The following MYRIP variants were observed in gnomAD, a reference collection of about 807,000 sequenced individuals.
MYRIP encodes rab effector MyRIP.
In MYRIP, 49 loss-of-function variants were observed where a neutral mutation model predicts 98.0. The ratio of observed to expected loss-of-function variants is 0.50; its 90% confidence interval spans 0.40 to 0.63. MYRIP has a LOEUF of 0.63. Among genes scored for constraint, MYRIP ranks in the 30% least tolerant of loss-of-function variants. MYRIP has a pLI of 0.00. For synonymous variants in MYRIP, 404 were observed against 409.5 expected, an observed-to-expected ratio of 0.99 and a Z score of 0.16; for missense variants, 1,004 against 1,058.2, an observed-to-expected ratio of 0.95 and a Z score of 0.71.
chr3:40,101,864 C>T (rs1439965080), intron 3 of MYRIP, among the ~76,000 whole-genome samples: 2 of 152,164 alleles, frequency 1.3e-5, no homozygotes, highest in African/African-American at 4.8e-5. Context: ...TGACCCAGGA[C>T]TGGCAGTTTA....
intron 8 of MYRIP, among the ~76,000 whole-genome samples, chr3:40,180,871 C>A (rs890863144): frequency 6.6e-6 from 1 of 152,156 alleles, no homozygotes; most frequent in Non-Finnish European, 1.5e-5. Flanking sequence ...CAGAGTGAAC[C>A]AGACGCCCTG....
rs568569166 is a variant in MYRIP, at chr3:39,843,432, T to C, written c.-31+33516T>C. The stretch of plus-strand genomic sequence containing the variant: ...TTATTGCATTTGGGCCTTGGATTGC[T>C]GAAGAAACCACAGCACAAAAAAGGA... On this transcript the variant is annotated intron_variant, in intron 1 of 16. Transcript: ENST00000302541. Among the ~76,000 whole-genome samples, 32 of 152,324 alleles carry C rather than the reference T, an allele frequency of 2.1e-4. 1 individual carries two copies. The highest frequency in any genetic ancestry group is 7.3e-5 in the Non-Finnish European group (5 of 68,034).
chr3:40,110,881 G>GGTGT (rs58040369), intron 3 of MYRIP, among the ~76,000 whole-genome samples: 102 of 147,804 alleles, frequency 6.9e-4, no homozygotes, highest in African/African-American at 2.2e-3. Context: ...TTCATGAAGG[G>GGTGT]GTGTGTGTGT....
intron 2 of MYRIP, among the ~76,000 whole-genome samples, chr3:40,040,745 C>T (rs1227875253): frequency 5.2e-5 from 3 of 57,924 alleles, no homozygotes; most frequent in African/African-American, 1.6e-4. Flanking sequence ...AACCAAACAC[C>T]GCATATTCTC....
At chr3:39,879,711 A>G (rs2125643017) in intron 1 of MYRIP, among the ~76,000 whole-genome samples, 1 of 152,182 alleles carries the variant, frequency 6.6e-6, no homozygotes, top group East Asian at 1.9e-4. Flanking sequence ...CTTCAACTCC[A>G]CACTCTTCTT....
intron 1 of MYRIP, among the ~76,000 whole-genome samples, chr3:39,828,417 T>C (rs1177095825): frequency 6.6e-6 from 1 of 151,982 alleles, no homozygotes; most frequent in Non-Finnish European, 1.5e-5. Context: ...TTGTCTTGTA[T>C]ATTACTGAGT....
At chr3:39,994,375 C>G (rs1355314818) in intron 2 of MYRIP, among the ~76,000 whole-genome samples, 1 of 152,250 alleles carries the variant, frequency 6.6e-6, no homozygotes, top group Admixed American at 6.5e-5. Context: ...TAGCAAATGG[C>G]ACACCTGGAG....
chr3:39,906,377 A>G (rs1370985085), intron 2 of MYRIP, among the ~76,000 whole-genome samples: 1 of 152,156 alleles, frequency 6.6e-6, no homozygotes, highest in African/African-American at 2.4e-5. Context: ...CTGAGAACAT[A>G]TCTTTTCATG....
chr3:40,215,245 C>G (rs1952080450), intron 11 of MYRIP, among the ~76,000 whole-genome samples: 1 of 152,070 alleles, frequency 6.6e-6, no homozygotes, highest in Non-Finnish European at 1.5e-5. Context: ...AGTCAACAAC[C>G]AGCAGACATC....
chr3:40,032,800 A>G (rs537176425), intron 2 of MYRIP, among the ~76,000 whole-genome samples: 8 of 152,116 alleles, frequency 5.3e-5, no homozygotes, highest in Non-Finnish European at 1.0e-4. Flanking sequence ...CCTTGATGAA[A>G]ATTGATGCAA....
At chr3:39,981,943 A>C (rs72870082) in intron 2 of MYRIP, among the ~76,000 whole-genome samples, 4,036 of 152,206 alleles carry the variant, frequency 0.027, 155 homozygotes, top group African/African-American at 0.086. Context: ...CACACACACA[A>C]AAAAACAAAC....
At chr3:40,109,008 C>T (rs1949107271) in intron 3 of MYRIP, among the ~76,000 whole-genome samples, 1 of 152,152 alleles carries the variant, frequency 6.6e-6, no homozygotes, top group Non-Finnish European at 1.5e-5. Flanking sequence ...TACCTCAGAG[C>T]CTACTGTAAT....
At chr3:40,009,237 CTTTTT>C (rs553315704) in intron 2 of MYRIP, among the ~76,000 whole-genome samples, 1 of 139,236 alleles carries the variant, frequency 7.2e-6, no homozygotes. Context: ...ACTGCTACTT[CTTTTT>C]TTTTTTTTTT....
At chr3:39,873,038 T>C (rs533153024) in intron 1 of MYRIP, among the ~76,000 whole-genome samples, 16 of 152,332 alleles carry the variant, frequency 1.1e-4, no homozygotes, top group Admixed American at 3.9e-4. Flanking sequence ...TCCTAACTGG[T>C]GTGAGATGAT....
intron 5 of MYRIP, among the ~76,000 whole-genome samples, chr3:40,166,210 A>C (rs1158720801): frequency 6.6e-6 from 1 of 152,226 alleles, no homozygotes; most frequent in African/African-American, 2.4e-5. Context: ...TCCTTAGTAC[A>C]TTTAATAACA....
chr3:39,891,362 A>C (rs1311341615), intron 1 of MYRIP, among the ~76,000 whole-genome samples: 1 of 152,074 alleles, frequency 6.6e-6, no homozygotes, highest in Admixed American at 6.6e-5. Context: ...AACTATGTAT[A>C]ATGAGCATCC....
At chr3:40,233,826 T>A in intron 11 of MYRIP, 33 bp from the exon 12 acceptor site, 1 of 1,587,458 alleles carries the variant, frequency 6.3e-7, no homozygotes, top group Non-Finnish European at 8.6e-7. Context: ...GCTGTTCTTG[T>A]CTTCTGTCCC....
At chr3:40,095,700 GCACACT>G (rs1948813898) in intron 3 of MYRIP, among the ~76,000 whole-genome samples, 1 of 151,926 alleles carries the variant, frequency 6.6e-6, no homozygotes, top group Non-Finnish European at 1.5e-5. Flanking sequence ...ACACACATCT[GCACACT>G]CACTAACACT....
At chr3:39,904,578 G>C (rs2125674496) in intron 2 of MYRIP, among the ~76,000 whole-genome samples, 1 of 152,182 alleles carries the variant, frequency 6.6e-6, no homozygotes, top group African/African-American at 2.4e-5. Flanking sequence ...TAGAATGGAT[G>C]TGATATTGTT....
Sources: allele counts gnomAD v4.1 joint callset (sites outside exome capture counted in the v4.1 genomes callset), GRCh38; gene constraint gnomAD v4.1.1; transcripts MANE v1.5; gene names NCBI Gene and HGNC (gene_info 2026-07-23, HGNC 2026-07-21).